The following EP400 variants were observed in gnomAD, a reference collection of about 807,000 sequenced individuals.
EP400 encodes the protein E1A-binding protein p400.
EP400 carries 105 observed loss-of-function variants against 354.1 expected under a neutral mutation model. The observed-to-expected ratio is 0.30, with a 90% CI of 0.25 to 0.35. The LOEUF (loss-of-function observed/expected upper bound fraction) is 0.35. Among genes scored for constraint, EP400 ranks in the 10% least tolerant of loss-of-function variants. EP400 has a pLI of 1.00. For missense variants in EP400, 3,280 were observed against 4,121.0 expected, an observed-to-expected ratio of 0.80 and a Z score of 5.59; for synonymous variants, 1,646 against 1,716.9, an observed-to-expected ratio of 0.96 and a Z score of 1.02.
In EP400 at chr12:132,029,644, T is replaced by A; in HGVS notation, c.5382-57T>A. The A allele has an allele frequency of 6.4e-7, 1 of 1,564,212 alleles. No individual in the cohort carries two copies. ...CTGCCCCATCTTTCAGGAGCCCCCA[T>A]GCTGGGTGAAGGTGTGTGGCTCCTG... On this transcript the variant is annotated intron_variant, in intron 27 of 52. Coordinates refer to ENST00000389561, the MANE Select transcript of EP400 (RefSeq NM_015409.5). The surrounding 1 kb of genome is among the most constrained non-coding windows in gnomAD (Gnocchi z 4.7).
chr12:132,075,209 C>T lies in EP400; in HGVS notation c.9022-1307C>T, dbSNP rs1033701157. 6.6e-6 allele frequency among the ~76,000 whole-genome samples: 1 copy of T among 151,936 alleles called. No homozygotes were observed. ...TCCAGGATGGCAGCTGGCAGTAGCACGGGGCTCTTTTGCAAGCTCCCCACC... is the reference window on the plus strand; with the variant it reads ...TCCAGGATGGCAGCTGGCAGTAGCATGGGGCTCTTTTGCAAGCTCCCCACC... On this transcript the variant is annotated intron_variant, in intron 51 of 52. Transcript: ENST00000389561. This position sits in a 1 kb window ranked among gnomAD's most constrained non-coding sequence, Gnocchi z 4.5.
At chr12:131,974,626 C>T (rs1320303030) in intron 2 of EP400, among the ~76,000 whole-genome samples, 1 of 152,078 alleles carries the variant, frequency 6.6e-6, no homozygotes. Flanking sequence ...GAATTAAATT[C>T]CCTTCAGAGT....
chr12:132,006,323 G>T, intron 14 of EP400, 21 bp downstream of exon 14: 1 of 1,611,512 alleles, frequency 6.2e-7, no homozygotes, highest in Non-Finnish European at 8.5e-7. Flanking sequence ...AAGCTTTCAA[G>T]TGTGGGATGG....
chr12:132,020,315 T>A, intron 22 of EP400, 97 bp downstream of exon 22: 1 of 1,408,316 alleles, frequency 7.1e-7, no homozygotes, highest in Non-Finnish European at 9.5e-7. Flanking sequence ...GCGGTAATTG[T>A]CCCTGAGTGG....
chr12:132,061,846 G>T (rs1160079780), intron 45 of EP400, among the ~76,000 whole-genome samples: 1 of 152,244 alleles, frequency 6.6e-6, no homozygotes, highest in Non-Finnish European at 1.5e-5. Flanking sequence ...GGGACAGGAC[G>T]GCCTTTCCAG....
At position 132,053,272 on chromosome 12, in the gene EP400, T is replaced by A. The variant is rs373864309; in HGVS notation, c.7473+48T>A. On this transcript the variant is annotated intron_variant, in intron 42 of 52. Transcript: ENST00000389561. ...CTTGAGTGGGAAAATGTGGTGACTG[T>A]GACTTCATCCAGGGGGTATGCAGGC... 4.2e-5 allele frequency: 68 copies of A among 1,610,390 alleles called. No individual in the cohort carries two copies. The African/African-American group carries it at 8.7e-4, about 21-fold the overall frequency.
In EP400 at chr12:132,021,314, C is replaced by T; in HGVS notation, c.4683C>T (p.Arg1561=). 4.6e-6 allele frequency: 7 copies of T among 1,518,764 alleles called. No individual in the cohort carries two copies. The highest frequency in any genetic ancestry group is 6.1e-6 in the Non-Finnish European group (7 of 1,140,100). 94.1% of individuals were successfully genotyped at this position (1,518,764 alleles called of 1,614,324 possible). A position where few individuals can be genotyped will look rare whatever the true frequency, so the allele number is the denominator to read the frequency against. Residue 1561 remains arginine, a synonymous_variant, in exon 23 of 53, where the codon CGC becomes CGT. Transcript: ENST00000389561. The part of the protein sequence containing the change: ...RLVLPSQAQA[R]LPSGEVVKIA... ...TGCTCCCCTCGCAGGCCCAGGCCCGCTTGCCCAGTAAGTGGCCTCACCTTT... is the reference window on the plus strand; with the variant it reads ...TGCTCCCCTCGCAGGCCCAGGCCCGTTTGCCCAGTAAGTGGCCTCACCTTT...
At chr12:131,951,978 G>T (rs1593304002) in intron 1 of EP400, among the ~76,000 whole-genome samples, 1 of 151,404 alleles carries the variant, frequency 6.6e-6, no homozygotes, top group Admixed American at 6.6e-5. Flanking sequence ...TAGAGAGGGG[G>T]TTTCAACATG....
At position 132,075,460 on chromosome 12, in the gene EP400, G is replaced by A. The variant is rs1021028778; in HGVS notation, c.9022-1056G>A. Reference sequence around the variant, plus strand: ...TTCTTGCTAGTGCTTTATTTAAGACGTCTCAGGATTTTCAGTGCTGTGCCA... The same window carrying A: ...TTCTTGCTAGTGCTTTATTTAAGACATCTCAGGATTTTCAGTGCTGTGCCA... On this transcript the variant is annotated intron_variant, in intron 51 of 52. Transcript: ENST00000389561. The surrounding 1 kb of genome is among the most constrained non-coding windows in gnomAD (Gnocchi z 4.5). 5.3e-5 allele frequency among the ~76,000 whole-genome samples: 8 copies of A among 152,146 alleles called. No homozygotes were observed. Among genetic ancestry groups the A allele is most frequent in the Non-Finnish European group, 1.2e-4 (8 of 68,034 alleles).
In EP400 at chr12:131,990,249, C is replaced by A; in HGVS notation, c.2550+145C>A. ...ACGTGTGCACTCTCCTGGGCTGTTG[C>A]TTGTTGGCCTTTGAATGAGCTGCTC... On this transcript the variant is annotated intron_variant, in intron 8 of 52. Transcript: ENST00000389561. The surrounding 1 kb of genome is among the most constrained non-coding windows in gnomAD (Gnocchi z 4.2). The A allele has an allele frequency of 1.0e-6, 1 of 977,548 alleles. No homozygotes were observed. The highest frequency in any genetic ancestry group is 1.5e-6 in the Non-Finnish European group (1 of 668,126). The allele number at this position is 977,548 out of a possible 1,614,324, so 60.6% of individuals were successfully genotyped here.
rs1896306507 is a variant in EP400 at position 132,078,632 on chromosome 12, G to A, written c.*959G>A. On this transcript the variant is annotated 3_prime_UTR_variant, in exon 53 of 53. Transcript: ENST00000389561. ...CTGGGCTCAGTGAGCCAGGACGAAT[G>A]TGACAGACACCCCTTGCTGCCACAG... The A allele has an allele frequency of 6.6e-6, 1 of 152,326 alleles. No homozygotes were observed. Among genetic ancestry groups the A allele is most frequent in the African/African-American group, 2.4e-5 (1 of 41,482 alleles). The allele number at this position is 152,326 out of a possible 1,614,324, so 9.4% of individuals were successfully genotyped here. A position where few individuals can be genotyped will look rare whatever the true frequency, so the allele number is the denominator to read the frequency against.
Position 132,038,047 on chromosome 12 carries a change from C to A in EP400, c.6158C>A (p.Pro2053His). The stretch of plus-strand genomic sequence containing the variant: ...GAGTTTGTGGTGCTTTCTCAGGAAC[C>A]TTCTGTCACGGAAACCATTGCACCC... ...AEEFVVLSQE[P>H]SVTETIAPKI... The change falls in exon 32 of 53, where the codon CCT becomes CAT. Residue 2053 changes from proline (P) to histidine (H), a missense_variant. Physicochemically the swap from Pro to His is moderately conservative, Grantham distance 77. Around this residue, in one of 20 missense-constraint regions of EP400, gnomAD observed 60 missense variants for 109.9 expected, o/e 0.55. Transcript: ENST00000389561. This position sits in a 1 kb window ranked among gnomAD's most constrained non-coding sequence, Gnocchi z 4.2. 6.2e-7 allele frequency: 1 copy of A among 1,614,198 alleles called. No individual in the cohort carries two copies. Among genetic ancestry groups the A allele is most frequent in the Non-Finnish European group, 8.5e-7 (1 of 1,180,038 alleles).
At chr12:132,023,256 G>A (rs1422871030) in intron 23 of EP400, among the ~76,000 whole-genome samples, 1 of 141,930 alleles carries the variant, frequency 7.0e-6, no homozygotes, top group Non-Finnish European at 1.5e-5. Context: ...CCTCAGCCTC[G>A]TGTGTAGCTC....
chr12:131,994,354 TGCTGGTA>T lies in EP400; in HGVS notation c.2738-508_2738-502del, dbSNP rs1194785349. 6.6e-6 allele frequency among the ~76,000 whole-genome samples: 1 copy of T among 152,144 alleles called. No homozygotes were observed. Among genetic ancestry groups the T allele is most frequent in the African/African-American group, 2.4e-5 (1 of 41,426 alleles). On this transcript the variant is annotated intron_variant, in intron 11 of 52. Coordinates refer to ENST00000389561, the MANE Select transcript of EP400 (RefSeq NM_015409.5). This position sits in a 1 kb window ranked among gnomAD's most constrained non-coding sequence, Gnocchi z 4.6. ...GACAGAGGGAGTTTGGCTGTGGGGA[TGCTGGTA>T]GCTGCTCTTTTCTCTGCCAGGAGCC...
chr12:132,069,554 G>T lies in EP400; in HGVS notation c.8934G>T (p.Gln2978His), dbSNP rs1029198936. 4 of 1,614,244 alleles carry T rather than the reference G, an allele frequency of 2.5e-6. No homozygotes were observed. Among genetic ancestry groups the T allele is most frequent in the Non-Finnish European group, 3.4e-6 (4 of 1,180,034 alleles). ...GAQQKVAYAA[Q>H]PALKTQFLTT... is the part of the protein sequence containing the mutation. Reference sequence around the variant, plus strand: ...AGCAGAAGGTTGCCTACGCCGCGCAGCCGGCCCTTAAGACCCAGTTTCTTA... The same window carrying T: ...AGCAGAAGGTTGCCTACGCCGCGCATCCGGCCCTTAAGACCCAGTTTCTTA... Residue 2978 changes from glutamine (Q) to histidine (H), a missense_variant, in exon 51 of 53, where the codon CAG (glutamine) becomes CAT (histidine). Physicochemically the swap from Gln to His is conservative, Grantham distance 24. Around this residue, in one of 20 missense-constraint regions of EP400, gnomAD observed 279 missense variants for 386.7 expected, o/e 0.72. Coordinates refer to ENST00000389561, the MANE Select transcript of EP400 (RefSeq NM_015409.5).
chr12:132,055,785 C>T (rs1413042672), intron 45 of EP400, among the ~76,000 whole-genome samples: 1 of 151,016 alleles, frequency 6.6e-6, no homozygotes, highest in African/African-American at 2.4e-5. Flanking sequence ...CTGTCCCCTC[C>T]CTGTAGGATG....
Position 132,011,625 on chromosome 12 carries a change from A to T in EP400, c.3432A>T (p.Ala1144=). Residue 1144 remains alanine, a synonymous_variant, in exon 16 of 53, where the codon GCA becomes GCT. Coordinates refer to ENST00000389561, the MANE Select transcript of EP400 (RefSeq NM_015409.5). ...TTGGCAGCCACAGAGAACTCAAAGC[A>T]AAGAGACAGGTATTTTTTTTTTAAA... ...SYIGSHRELK[A]KRQEWAEPNS... 1 of 1,599,488 alleles carries T rather than the reference A, an allele frequency of 6.3e-7. No homozygotes were observed. The highest frequency in any genetic ancestry group is 2.2e-5 in the East Asian group (1 of 44,802).
chr12:131,989,883 G>T, intron 7 of EP400, 81 bp from the exon 8 acceptor site: 2 of 1,530,826 alleles, frequency 1.3e-6, no homozygotes, highest in South Asian at 2.4e-5. Flanking sequence ...AGTCTGAGAA[G>T]ATTTAAAAAA....
At position 132,006,665 on chromosome 12, in the gene EP400, C is replaced by T. The variant is rs376420835; in HGVS notation, c.3127-35C>T. 6.4e-5 allele frequency: 98 copies of T among 1,541,868 alleles called. 1 individual carries two copies. Among genetic ancestry groups the T allele is most frequent in the African/African-American group, 3.1e-4 (22 of 71,368 alleles). On this transcript the variant is annotated intron_variant, in intron 14 of 52. Transcript: ENST00000389561. Reference sequence around the variant, plus strand: ...GAAAAAGTTTGGGTGATTATTTTGACGAGCTGTCATTCTTTTATTTGTTCA... The same window carrying T: ...GAAAAAGTTTGGGTGATTATTTTGATGAGCTGTCATTCTTTTATTTGTTCA...
Sources: gnomAD v4.1 joint callset for allele counts (sites outside exome capture counted in the v4.1 genomes callset) on GRCh38, gnomAD v4.1.1 for gene constraint, gnomAD v4.1.1 regional missense constraint, Gnocchi (gnomAD v3.1) non-coding constraint, MANE v1.5 for transcripts, NCBI Gene and HGNC (gene_info 2026-07-23, HGNC 2026-07-21) for gene names.